TJP1: variants seen among roughly 807,000 people sequenced by gnomAD.
The protein encoded by TJP1 is tight junction protein 1, also known as tight junction protein ZO-1.
Under a neutral mutation model 194.2 loss-of-function variants are expected in TJP1, and 43 were observed. That is an observed-to-expected ratio of 0.22 (90% CI 0.17 to 0.29). The LOEUF is 0.29. Ranked by LOEUF, TJP1 falls within the 10% of genes least tolerant of loss-of-function variation. The pLI, the probability that TJP1 is intolerant of heterozygous loss-of-function variation, is 1.00. For synonymous variants in TJP1, 801 were observed against 779.0 expected, an observed-to-expected ratio of 1.03 and a Z score of -0.47; for missense variants, 1,971 against 2,185.7, an observed-to-expected ratio of 0.90 and a Z score of 1.96.
intron 2 of TJP1, among the ~76,000 whole-genome samples, chr15:29,944,804 C>A (rs1262419350): frequency 6.6e-6 from 1 of 152,118 alleles, no homozygotes; most frequent in Non-Finnish European, 1.5e-5. Flanking sequence ...AGTCCAATAA[C>A]CTGGATCAAA....
At chr15:29,949,642 C>T (rs1261939655) in intron 2 of TJP1, among the ~76,000 whole-genome samples, 4 of 126,012 alleles carry the variant, frequency 3.2e-5, no homozygotes, top group East Asian at 3.5e-4. Flanking sequence ...CCACCACCTC[C>T]ACCACCACCA....
upstream of TJP1, among the ~76,000 whole-genome samples, chr15:29,825,640 T>A (rs2050653032): frequency 6.6e-6 from 1 of 152,220 alleles, no homozygotes; most frequent in Admixed American, 6.5e-5. Flanking sequence ...TAGGAAAGCA[T>A]ATTTATGTTA....
chr15:29,858,562 G>T (rs1308887091), intron 2 of TJP1, among the ~76,000 whole-genome samples: 2 of 151,530 alleles, frequency 1.3e-5, no homozygotes, highest in Non-Finnish European at 2.9e-5. Flanking sequence ...CCTTTTTTTT[G>T]AGACAGGGTC....
At chr15:29,967,927 A>G (rs2056386401) in intron 1 of TJP1, among the ~76,000 whole-genome samples, 1 of 152,216 alleles carries the variant, frequency 6.6e-6, no homozygotes, top group South Asian at 2.1e-4. Context: ...TTCTTTTGCA[A>G]AAGAATCTTA....
At chr15:29,859,442 G>A (rs2051988994) in intron 2 of TJP1, among the ~76,000 whole-genome samples, 1 of 152,132 alleles carries the variant, frequency 6.6e-6, no homozygotes, top group South Asian at 2.1e-4. Context: ...TGAAATCTTG[G>A]ACTCTGACCC....
intron 2 of TJP1, chr15:29,956,162 A>C: frequency 1.8e-6 from 2 of 1,098,972 alleles, no homozygotes; most frequent in Admixed American, 7.9e-5. Flanking sequence ...CTGCATTTTT[A>C]TGAAAATAAT....
chr15:29,712,088 C>T (rs1387978108), intron 23 of TJP1, among the ~76,000 whole-genome samples: 1 of 152,190 alleles, frequency 6.6e-6, no homozygotes, highest in Non-Finnish European at 1.5e-5. Context: ...TTAAAAGACC[C>T]ATAATTGCAA....
chr15:29,712,363 T>C (rs2042292837), intron 23 of TJP1, among the ~76,000 whole-genome samples: 1 of 152,218 alleles, frequency 6.6e-6, no homozygotes, highest in Non-Finnish European at 1.5e-5. Flanking sequence ...GTCTTACCAC[T>C]TGACGTTCCT....
intron 15 of TJP1, 57 bp from the exon 16 acceptor site, chr15:29,728,076 G>A: frequency 1.4e-6 from 2 of 1,429,888 alleles, no homozygotes; most frequent in Non-Finnish European, 2.0e-6. Context: ...TTAGACAGGA[G>A]TTTCTCAACT....
chr15:29,706,825 A>G (rs907633113), intron 25 of TJP1, among the ~76,000 whole-genome samples: 1 of 151,970 alleles, frequency 6.6e-6, no homozygotes, highest in Non-Finnish European at 1.5e-5. Context: ...ATGCCCGGCT[A>G]ATTTTTGTAT....
chr15:29,909,732 G>T (rs2053955827), intron 2 of TJP1, among the ~76,000 whole-genome samples: 2 of 151,946 alleles, frequency 1.3e-5, no homozygotes, highest in Admixed American at 1.3e-4. Flanking sequence ...GCTCACACAG[G>T]ATTTTGAGGT....
intron 2 of TJP1, among the ~76,000 whole-genome samples, chr15:29,909,716 T>C (rs1432650419): frequency 1.3e-5 from 2 of 151,946 alleles, no homozygotes; most frequent in Non-Finnish European, 2.9e-5. Context: ...CCAATTCTCA[T>C]ACCATGCTCA....
At position 29,701,647 on chromosome 15, in the gene TJP1, G is replaced by A. The variant is rs1388638037; in HGVS notation, c.5255C>T (p.Pro1752Leu). 1 of 1,613,930 alleles carries A rather than the reference G, an allele frequency of 6.2e-7. No homozygotes were observed. The highest frequency in any genetic ancestry group is 8.5e-7 in the Non-Finnish European group (1 of 1,179,994). ...ACAGTTTGCTCCAACGAGATAATTT[G>A]GATCTCCGGGAAGACACTTGTTTTG... The part of the protein sequence containing the change: ...TWQNKCLPGD[P>L]NYLVGANCVS... Residue 1752 changes from proline (P) to leucine (L), a missense_variant, in exon 28 of 28, where the codon CCA becomes CTA. By Grantham distance (98) the Pro-to-Leu change is moderately conservative. Transcript: ENST00000614355.
intron 15 of TJP1, among the ~76,000 whole-genome samples, chr15:29,729,875 A>G (rs1282133669): frequency 2.6e-5 from 4 of 152,094 alleles, no homozygotes; most frequent in Admixed American, 1.3e-4. Context: ...TGGGAACAAA[A>G]TCCCCAGCAC....
At chr15:29,822,644 T>G (rs188164727), upstream of TJP1, 1 of 235,030 alleles carries the variant, frequency 4.3e-6, no homozygotes, top group Admixed American at 6.5e-5. Context: ...CCAAGTAACT[T>G]GGAAGACAGT....
At chr15:29,741,462 C>T (rs759975027) in intron 9 of TJP1, 26 bp from the exon 10 acceptor site, 2 of 1,499,242 alleles carry the variant, frequency 1.3e-6, no homozygotes, top group African/African-American at 1.4e-5. Flanking sequence ...TTGAGTAGGA[C>T]TCACTTTAGA....
At chr15:29,869,777 GTCTTTCTT>G (rs758529684) in intron 2 of TJP1, among the ~76,000 whole-genome samples, 9 of 119,196 alleles carry the variant, frequency 7.6e-5, no homozygotes, top group Admixed American at 2.8e-4. Context: ...CCTTTCCCCT[GTCTTTCTT>G]TCTTTCTTTC....
At chr15:29,880,801 C>A (rs1313026795) in intron 2 of TJP1, among the ~76,000 whole-genome samples, 1 of 152,174 alleles carries the variant, frequency 6.6e-6, no homozygotes, top group Non-Finnish European at 1.5e-5. Context: ...GAACAATATT[C>A]CATTGTACGT....
At chr15:29,715,953 T>C (rs1309257888) in intron 23 of TJP1, among the ~76,000 whole-genome samples, 1 of 152,162 alleles carries the variant, frequency 6.6e-6, no homozygotes, top group South Asian at 2.1e-4. Flanking sequence ...TAGACACAAC[T>C]ATCAGTACCA....
Sources: gnomAD v4.1 joint callset for allele counts (sites outside exome capture counted in the v4.1 genomes callset) on GRCh38, gnomAD v4.1.1 for gene constraint, MANE v1.5 for transcripts, NCBI Gene and HGNC (gene_info 2026-07-23, HGNC 2026-07-21) for gene names.